RAPGEF4: variants seen among roughly 807,000 people sequenced by gnomAD.
RAPGEF4 encodes the protein RAP guanine-nucleotide-exchange factor (GEF) 4.
A neutral mutation model predicts 147.9 loss-of-function variants in RAPGEF4; 66 were observed. The ratio of observed to expected loss-of-function variants is 0.45; its 90% CI spans 0.37 to 0.55. The LOEUF is 0.55. Among genes scored for constraint, RAPGEF4 ranks in the 20% least tolerant of loss-of-function variants. RAPGEF4 has a pLI of 0.00. For missense variants in RAPGEF4, 1,071 were observed against 1,257.3 expected, an observed-to-expected ratio of 0.85 and a Z score of 2.24; for synonymous variants, 419 against 442.7, an observed-to-expected ratio of 0.95 and a Z score of 0.67.
chr2:172,962,050 G>A (rs1689351525), intron 8 of RAPGEF4, among the ~76,000 whole-genome samples: 1 of 152,186 alleles, frequency 6.6e-6, no homozygotes, highest in Non-Finnish European at 1.5e-5. Context: ...AACCTTCTGG[G>A]ATGACTGAAC....
chr2:172,788,150 C>A (rs181374654), intron 1 of RAPGEF4, among the ~76,000 whole-genome samples: 2 of 152,180 alleles, frequency 1.3e-5, no homozygotes, highest in Admixed American at 1.3e-4. Context: ...TCTGCCCTTA[C>A]GGTCTAATCA....
At chr2:172,995,812 T>A (rs1693297551) in intron 15 of RAPGEF4, among the ~76,000 whole-genome samples, 1 of 152,224 alleles carries the variant, frequency 6.6e-6, no homozygotes, top group East Asian at 1.9e-4. Context: ...ATGTCTAATA[T>A]AACCCCCAGT....
At chr2:172,872,971 C>T (rs373819507) in intron 4 of RAPGEF4, among the ~76,000 whole-genome samples, 3 of 152,122 alleles carry the variant, frequency 2.0e-5, no homozygotes, top group East Asian at 3.9e-4. Context: ...TGACCGGAAC[C>T]ATTTATTGAA....
At chr2:172,951,288 G>C (rs1156889747) in intron 6 of RAPGEF4, among the ~76,000 whole-genome samples, 1 of 152,154 alleles carries the variant, frequency 6.6e-6, no homozygotes, top group East Asian at 1.9e-4. Context: ...TCATATACCT[G>C]AACACATAAG....
rs562701727 is a variant in RAPGEF4 at position 173,032,375 on chromosome 2, T to TG, written c.2650-1532dup. Among the ~76,000 whole-genome samples, 67 of 152,182 alleles carry TG rather than the reference T, an allele frequency of 4.4e-4. 1 individual carries two copies. Among genetic ancestry groups the TG allele is most frequent in the South Asian group, 8.3e-4 (4 of 4,812 alleles). ...TATTGAAAACACTGCTCTAGAAGCA[T>TG]GGGGGGGTGGATAAATAATAGTATT... is the stretch of plus-strand genomic sequence containing the variant. On this transcript the variant is annotated intron_variant, in intron 26 of 30. Coordinates refer to ENST00000397081, the MANE Select transcript of RAPGEF4 (RefSeq NM_007023.4).
intron 4 of RAPGEF4, among the ~76,000 whole-genome samples, chr2:172,816,316 C>A (rs1411777480): frequency 1.3e-5 from 2 of 151,856 alleles, no homozygotes; most frequent in Admixed American, 6.6e-5. Context: ...CCCCCTGCCC[C>A]ATCATGGCAT....
chr2:172,956,252 T>A (rs1024990911), intron 6 of RAPGEF4, among the ~76,000 whole-genome samples: 1 of 152,042 alleles, frequency 6.6e-6, no homozygotes, highest in African/African-American at 2.4e-5. Flanking sequence ...GCTTTGCCAA[T>A]ATTGGGACTA....
intron 4 of RAPGEF4, among the ~76,000 whole-genome samples, chr2:172,820,034 CAA>C (rs1199317985): frequency 2.0e-5 from 3 of 152,162 alleles, no homozygotes; most frequent in Non-Finnish European, 4.4e-5. Flanking sequence ...ATGGCTAGAA[CAA>C]AACAGTGAAG....
intron 3 of RAPGEF4, among the ~76,000 whole-genome samples, chr2:172,801,873 C>T (rs1216609920): frequency 6.6e-6 from 1 of 152,156 alleles, no homozygotes; most frequent in Non-Finnish European, 1.5e-5. Flanking sequence ...GCCCCACAGC[C>T]CTCCCCTCTA....
rs962765462 is a variant in RAPGEF4, at chr2:173,015,893, A to G, written c.1810-456A>G. On this transcript the variant is annotated intron_variant, in intron 18 of 30. Transcript: ENST00000397081. ...TACATACCAAAATAATGTGAAAACG[A>G]ACATTAAAATTCCCCTGAGAAAAAT... 2.0e-5 allele frequency among the ~76,000 whole-genome samples: 3 copies of G among 152,182 alleles called. No individual in the cohort carries two copies. The South Asian group carries it at 6.2e-4, about 31-fold the overall frequency.
In RAPGEF4 at chr2:172,891,135, GA is replaced by G. The variant is rs376819465; in HGVS notation, c.445-26657del. On this transcript the variant is annotated intron_variant, in intron 4 of 30. Coordinates refer to ENST00000397081, the MANE Select transcript of RAPGEF4 (RefSeq NM_007023.4). ...AAGAGAGTGAGACTTTGTCTTTAAG[GA>G]AAAAAAAAAGGAATTTCAAGATGGT... is the stretch of plus-strand genomic sequence containing the variant. 1.9e-3 allele frequency among the ~76,000 whole-genome samples: 282 copies of G among 146,934 alleles called. 1 individual carries two copies. Among genetic ancestry groups the G allele is most frequent in the African/African-American group, 5.2e-3 (208 of 40,144 alleles).
Position 172,923,577 on chromosome 2 carries a change from T to C in RAPGEF4, c.537+1277T>C, listed in dbSNP as rs553843566. Among the ~76,000 whole-genome samples, 15 of 152,294 alleles carry C rather than the reference T, an allele frequency of 9.8e-5. No homozygotes were observed. In the South Asian group the frequency reaches 2.9e-3, roughly 29 times the overall value. ...GCCACCACACCTGGCCAGACTTGGG[T>C]TTAAGACCTAGCAGTGTCACTTCAA... On this transcript the variant is annotated intron_variant, in intron 6 of 30. Coordinates refer to ENST00000397081, the MANE Select transcript of RAPGEF4 (RefSeq NM_007023.4).
chr2:172,942,661 A>G (rs1338952962), intron 6 of RAPGEF4, among the ~76,000 whole-genome samples: 2 of 152,076 alleles, frequency 1.3e-5, no homozygotes, highest in East Asian at 1.9e-4. Flanking sequence ...CTGTCACAGC[A>G]TGGTCCAGCA....
chr2:172,965,452 T>G, intron 8 of RAPGEF4, 110 bp from the exon 9 acceptor site: 3 of 1,260,140 alleles, frequency 2.4e-6, no homozygotes, highest in Non-Finnish European at 3.4e-6. Flanking sequence ...AGACCTCTTC[T>G]GGTAGGAGAT....
intron 4 of RAPGEF4, among the ~76,000 whole-genome samples, chr2:172,855,691 T>G (rs1490005874): frequency 2.0e-5 from 3 of 152,188 alleles, no homozygotes; most frequent in African/African-American, 4.8e-5. Context: ...AAGAATATTT[T>G]TGTTGGATAT....
intron 17 of RAPGEF4, among the ~76,000 whole-genome samples, chr2:173,013,732 T>C (rs1159657990): frequency 6.6e-6 from 1 of 152,152 alleles, no homozygotes; most frequent in African/African-American, 2.4e-5. Context: ...CTAGGCGTAG[T>C]GTAGAATACA....
intron 1 of RAPGEF4, among the ~76,000 whole-genome samples, chr2:172,768,390 A>T (rs974499282): frequency 1.3e-5 from 2 of 152,168 alleles, no homozygotes; most frequent in African/African-American, 4.8e-5. Flanking sequence ...CAGAAAATGA[A>T]GCTATTTATA....
chr2:173,047,436 CT>C (rs1388314393), intron 29 of RAPGEF4, among the ~76,000 whole-genome samples: 2 of 152,124 alleles, frequency 1.3e-5, no homozygotes, highest in Non-Finnish European at 2.9e-5. Flanking sequence ...TGAATACATG[CT>C]TTTTAAAAAA....
intron 4 of RAPGEF4, chr2:172,814,696 T>C (rs1008515819): frequency 9.8e-5 from 43 of 437,510 alleles, no homozygotes; most frequent in African/African-American, 8.5e-4. Flanking sequence ...GAGTGTTTTA[T>C]GTATTTTCTC....
Sources: allele counts gnomAD v4.1 joint callset (sites outside exome capture counted in the v4.1 genomes callset), GRCh38; gene constraint gnomAD v4.1.1; transcripts MANE v1.5; gene names NCBI Gene and HGNC (gene_info 2026-07-23, HGNC 2026-07-21).